The following MROH9 variants were observed in gnomAD, a reference collection of about 807,000 sequenced individuals.
The protein encoded by MROH9 is maestro heat-like repeat-containing protein family member 9.
A neutral mutation model predicts 98.2 loss-of-function variants in MROH9; 92 were observed. The observed-to-expected ratio is 0.94, with a 90% confidence interval of 0.79 to 1.11. The LOEUF (loss-of-function observed/expected upper bound fraction) is 1.11. MROH9 is among the 50% of genes most tolerant of loss of function. The pLI is 0.00. For synonymous variants in MROH9, 397 were observed against 368.9 expected, an observed-to-expected ratio of 1.08 and a Z score of -0.87; for missense variants, 1,057 against 1,014.8, an observed-to-expected ratio of 1.04 and a Z score of -0.57.
intron 9 of MROH9, among the ~76,000 whole-genome samples, chr1:170,984,706 G>A (rs1205966542): frequency 6.6e-6 from 1 of 152,146 alleles, no homozygotes; most frequent in Non-Finnish European, 1.5e-5. Flanking sequence ...TGTCCATCAG[G>A]TGTAAAAATC....
chr1:170,966,246 C>T (rs1650231718), intron 7 of MROH9, among the ~76,000 whole-genome samples: 1 of 152,054 alleles, frequency 6.6e-6, no homozygotes, highest in Non-Finnish European at 1.5e-5. Flanking sequence ...TTTTGCATTT[C>T]GGATGGAGAA....
intron 8 of MROH9, among the ~76,000 whole-genome samples, chr1:170,973,183 C>T (rs1164747621): frequency 2.6e-5 from 4 of 152,024 alleles, no homozygotes; most frequent in African/African-American, 9.7e-5. Context: ...AAGAGAGCCC[C>T]CTTTAAGTAT....
intron 10 of MROH9, among the ~76,000 whole-genome samples, chr1:170,987,675 A>T (rs974811359): frequency 1.3e-5 from 2 of 152,220 alleles, no homozygotes; most frequent in Non-Finnish European, 2.9e-5. Flanking sequence ...CACCAAAATA[A>T]TGCTATTTGT....
Position 170,961,950 on chromosome 1 carries a change from G to A in MROH9, c.349G>A (p.Asp117Asn), listed in dbSNP as rs1278304577. The A allele has an allele frequency of 6.5e-7, 1 of 1,538,338 alleles. No individual in the cohort carries two copies. The highest frequency in any genetic ancestry group is 8.8e-7 in the Non-Finnish European group (1 of 1,136,236). The change falls in exon 6 of 22, where the codon GAC (aspartate) becomes AAC (asparagine). Residue 117 changes from aspartate to asparagine, a missense_variant. Coordinates refer to ENST00000367759, the MANE Select transcript of MROH9 (RefSeq NM_001163629.2). ...ENILTSLVSK[D>N]LYKLQILKEM... ...CATTCTTACGAGCTTGGTGTCTAAA[G>A]ACCTCTACAAACTACAGATCTTAAA... is the stretch of plus-strand genomic sequence containing the variant.
In MROH9 at chr1:170,992,233, C is replaced by G. The variant is rs770078538; in HGVS notation, c.1098C>G (p.Ile366Met). Reference sequence around the variant, plus strand: ...TGGCCCCTCACGTGCTGAAGACAATCTTATTGATACTGAAAGGAAAGCCTG... The same window carrying G: ...TGGCCCCTCACGTGCTGAAGACAATGTTATTGATACTGAAAGGAAAGCCTG... ...ASVAPHVLKT[I>M]LLILKGKPGE... Residue 366 changes from isoleucine to methionine, a missense_variant, in exon 12 of 22, where the codon ATC (isoleucine) becomes ATG (methionine). Coordinates refer to ENST00000367759, the MANE Select transcript of MROH9 (RefSeq NM_001163629.2). 1 of 1,613,518 alleles carries G rather than the reference C, an allele frequency of 6.2e-7. No homozygotes were observed. The highest frequency in any genetic ancestry group is 1.1e-5 in the South Asian group (1 of 91,060).
At chr1:170,959,666 C>T (rs1649938935) in intron 5 of MROH9, 69 bp downstream of exon 5, 1 of 1,435,732 alleles carries the variant, frequency 7.0e-7, no homozygotes, top group Admixed American at 1.9e-5. Context: ...CAGAATGTGA[C>T]TCAGCAGGTG....
intron 20 of MROH9, among the ~76,000 whole-genome samples, chr1:171,061,924 G>A (rs1654027448): frequency 6.6e-6 from 1 of 152,100 alleles, no homozygotes; most frequent in Non-Finnish European, 1.5e-5. Context: ...TCACTGAGCT[G>A]TCCAATATGA....
chr1:170,953,394 G>A (rs1330100922), intron 3 of MROH9, among the ~76,000 whole-genome samples: 3 of 149,770 alleles, frequency 2.0e-5, no homozygotes, highest in South Asian at 2.1e-4. Flanking sequence ...CATGGTTTCC[G>A]TGTTGCATCT....
At chr1:170,955,505 C>T (rs1284036034) in intron 3 of MROH9, among the ~76,000 whole-genome samples, 3 of 151,944 alleles carry the variant, frequency 2.0e-5, no homozygotes, top group Admixed American at 6.6e-5. Flanking sequence ...TTTTGATTAC[C>T]GTCATTCTTG....
intron 16 of MROH9, chr1:171,015,101 T>C (rs1652283633): frequency 2.1e-6 from 1 of 470,172 alleles, no homozygotes; most frequent in Non-Finnish European, 4.4e-6. Flanking sequence ...CTATAAATCA[T>C]TACTTTTATA....
At chr1:171,047,522 C>T (rs1446944855) in intron 20 of MROH9, among the ~76,000 whole-genome samples, 2 of 152,090 alleles carry the variant, frequency 1.3e-5, no homozygotes, top group Non-Finnish European at 2.9e-5. Context: ...ATTTTAATCT[C>T]TTTGTTAAAT....
rs6695288 is a variant in MROH9 at position 170,938,783 on chromosome 1, C to T, written c.-38+3196C>T. ...AAAATGCTTCCTCTTCTATGATGGA[C>T]GCAGTCCAATGTAGTCAAGCTGCCA... On this transcript the variant is annotated intron_variant, in intron 1 of 21. Transcript: ENST00000367759. Among the ~76,000 whole-genome samples the T allele has an allele frequency of 4.6e-3, 707 of 152,210 alleles. 2 individuals carry two copies. Among genetic ancestry groups the T allele is most frequent in the African/African-American group, 0.016 (654 of 41,454 alleles).
At chr1:170,954,588 T>C (rs1332491951) in intron 3 of MROH9, among the ~76,000 whole-genome samples, 1 of 152,056 alleles carries the variant, frequency 6.6e-6, no homozygotes, top group East Asian at 1.9e-4. Flanking sequence ...TTTTCCCATG[T>C]GGTTGTTTTC....
At chr1:170,963,776 A>G (rs985029746) in intron 6 of MROH9, among the ~76,000 whole-genome samples, 1 of 152,104 alleles carries the variant, frequency 6.6e-6, no homozygotes, top group Non-Finnish European at 1.5e-5. Flanking sequence ...AGTGAGAGCT[A>G]AGTGATGAGA....
chr1:171,036,867 A>AACATATATACT (rs2101854084), intron 20 of MROH9, among the ~76,000 whole-genome samples: 1 of 151,900 alleles, frequency 6.6e-6, no homozygotes, highest in Admixed American at 6.5e-5. Context: ...TATATGGATG[A>AACATATATACT]AAGCAGACAC....
intron 20 of MROH9, among the ~76,000 whole-genome samples, chr1:171,028,937 A>G (rs1052814151): frequency 2.0e-5 from 3 of 152,160 alleles, no homozygotes; most frequent in African/African-American, 4.8e-5. Context: ...AGTTTTCTAA[A>G]TATAGAATCA....
chr1:171,026,282 T>TC (rs1652710959), intron 20 of MROH9, among the ~76,000 whole-genome samples: 1 of 151,102 alleles, frequency 6.6e-6, no homozygotes, highest in Non-Finnish European at 1.5e-5. Context: ...TTCTTTTCTT[T>TC]TTTTTTTTTT....
Position 170,992,090 on chromosome 1 carries a change from T to C in MROH9, c.1029-74T>C, listed in dbSNP as rs149527122. ...AAATGTAAAACCAAGACTATTTTCCTGATTCTTGTTATTCTATCAAGTAGG... is the reference window on the plus strand; with the variant it reads ...AAATGTAAAACCAAGACTATTTTCCCGATTCTTGTTATTCTATCAAGTAGG... On this transcript the variant is annotated intron_variant, in intron 11 of 21. Coordinates refer to ENST00000367759, the MANE Select transcript of MROH9 (RefSeq NM_001163629.2). 189 of 1,423,248 alleles carry C rather than the reference T, an allele frequency of 1.3e-4. No homozygotes were observed. In the African/African-American group the frequency reaches 2.4e-3, roughly 18 times the overall value. 88.2% of individuals were successfully genotyped at this position (1,423,248 alleles called of 1,614,324 possible).
At chr1:171,046,003 G>T (rs1025544788) in intron 20 of MROH9, among the ~76,000 whole-genome samples, 1 of 151,954 alleles carries the variant, frequency 6.6e-6, no homozygotes, top group Non-Finnish European at 1.5e-5. Context: ...ATTTTAAATT[G>T]TTATATCTTC....
Sources: allele counts gnomAD v4.1 joint callset (sites outside exome capture counted in the v4.1 genomes callset), GRCh38; gene constraint gnomAD v4.1.1; transcripts MANE v1.5; gene names NCBI Gene and HGNC (gene_info 2026-07-23, HGNC 2026-07-21).